The following POLR1D variants were observed in gnomAD, a reference collection of about 807,000 sequenced individuals.
The protein encoded by POLR1D is RNA polymerase I and III subunit D, also known as DNA-directed RNA polymerases I and III subunit RPAC2.
POLR1D carries 8 observed loss-of-function variants against 10.8 expected under a neutral mutation model. The ratio of observed to expected loss-of-function variants is 0.74; its 90% CI spans 0.43 to 1.33. The LOEUF is 1.33. POLR1D is among the 40% of genes most tolerant of loss of function. The probability of loss-of-function intolerance (pLI) is 0.01; values close to 1 mark genes in which losing one functional copy is unlikely to be tolerated. For missense variants in POLR1D, 152 were observed against 161.7 expected (o/e 0.94, Z 0.32); for synonymous variants, 54 against 57.2 (o/e 0.94, Z 0.25).
intron 2 of POLR1D, among the ~76,000 whole-genome samples, chr13:27,655,986 T>C (rs1956305413): frequency 7.0e-6 from 1 of 143,056 alleles, no homozygotes; most frequent in South Asian, 2.1e-4. Flanking sequence ...GTGATGCTGA[T>C]ACAGTTGACT....
upstream of POLR1D, chr13:27,621,748 C>T: frequency 5.8e-6 from 2 of 346,768 alleles, no homozygotes; most frequent in Non-Finnish European, 1.0e-5. Context: ...CCCAGGTGAG[C>T]CGCGGGGCCG....
chr13:27,660,206 A>G (rs1956350465), intron 2 of POLR1D, among the ~76,000 whole-genome samples: 1 of 152,186 alleles, frequency 6.6e-6, no homozygotes, highest in Admixed American at 6.5e-5. Flanking sequence ...CAACAAAATG[A>G]GTTGTAATCA....
chr13:27,665,790 A>G, exon 3 of POLR1D: 1 of 1,614,198 alleles, frequency 6.2e-7, no homozygotes, highest in Non-Finnish European at 8.5e-7. Flanking sequence ...AAAGAGGGCG[A>G]TAAGGAACCA....
At chr13:27,622,821 A>T in intron 1 of POLR1D, 54 bp from the exon 2 acceptor site, 1 of 1,125,536 alleles carries the variant, frequency 8.9e-7, no homozygotes, top group Non-Finnish European at 1.3e-6. Flanking sequence ...AGAAAAAGCT[A>T]GTTACAAAAC....
intron 1 of POLR1D, among the ~76,000 whole-genome samples, chr13:27,632,225 G>A (rs1017521771): frequency 2.0e-5 from 3 of 152,212 alleles, no homozygotes; most frequent in Admixed American, 1.3e-4. Flanking sequence ...AGAGCAGTAT[G>A]GGAGAGTGAT....
At chr13:27,648,247 T>TA (rs1042311262) in intron 1 of POLR1D, 180 of 622,432 alleles carry the variant, frequency 2.9e-4, no homozygotes, top group East Asian at 4.9e-4. Context: ...GTCAACCATT[T>TA]AAAAAAAAAT....
In POLR1D at chr13:27,621,968, A is replaced by G. The variant is rs746196920; in HGVS notation, c.-16A>G. The G allele has an allele frequency of 1.3e-6, 2 of 1,592,142 alleles. No homozygotes were observed. Among genetic ancestry groups the G allele is most frequent in the Non-Finnish European group, 1.7e-6 (2 of 1,169,462 alleles). ...ATCCGCCAGCACCACCTGAGGATCC[A>G]GAAACCGCCCCAGCGATGGAAGAGG... On this transcript the variant is annotated 5_prime_UTR_variant, in exon 1 of 2. Coordinates refer to ENST00000302979, the MANE Select transcript of POLR1D (RefSeq NM_015972.4).
chr13:27,654,462 C>T (rs1459372665), intron 2 of POLR1D, among the ~76,000 whole-genome samples: 2 of 152,184 alleles, frequency 1.3e-5, no homozygotes, highest in Non-Finnish European at 2.9e-5. Context: ...GGGAACCTGT[C>T]AAGTTCACAG....
intron 2 of POLR1D, chr13:27,650,979 T>C (rs1956264228): frequency 6.6e-6 from 1 of 152,160 alleles, no homozygotes; most frequent in African/African-American, 2.4e-5. Flanking sequence ...GAAAGAAAAC[T>C]TTACAGAAGA....
intron 2 of POLR1D, among the ~76,000 whole-genome samples, chr13:27,661,539 T>C (rs1223158351): frequency 6.6e-6 from 1 of 152,088 alleles, no homozygotes; most frequent in Non-Finnish European, 1.5e-5. Flanking sequence ...TGACAGACAG[T>C]GCAGACACAG....
intron 2 of POLR1D, among the ~76,000 whole-genome samples, chr13:27,659,504 TA>T (rs1956338530): frequency 6.6e-6 from 1 of 152,220 alleles, no homozygotes; most frequent in Admixed American, 6.5e-5. Context: ...CTGATGGGAC[TA>T]TAACTTTGCT....
intron 2 of POLR1D, among the ~76,000 whole-genome samples, chr13:27,659,028 A>T (rs1254163551): frequency 6.6e-6 from 1 of 152,148 alleles, no homozygotes; most frequent in African/African-American, 2.4e-5. Flanking sequence ...AAGGGGAATG[A>T]CTTTTTTTTA....
At chr13:27,652,907 A>ATTTT (rs1956278861) in intron 2 of POLR1D, among the ~76,000 whole-genome samples, 3 of 78,530 alleles carry the variant, frequency 3.8e-5, no homozygotes, top group African/African-American at 1.8e-4. Context: ...TGCATTTACC[A>ATTTT]TTTCTTTTTT....
chr13:27,640,589 C>T (rs190749757), intron 1 of POLR1D, among the ~76,000 whole-genome samples: 125 of 152,238 alleles, frequency 8.2e-4, no homozygotes, highest in Admixed American at 5.8e-3. Context: ...TGATTTAATA[C>T]CGTACTTGAA....
At chr13:27,622,242 C>T in intron 1 of POLR1D, 2 of 596,458 alleles carry the variant, frequency 3.4e-6, no homozygotes, top group Non-Finnish European at 6.0e-6. Context: ...CCGAACTGCC[C>T]ACCCCCGTTA....
At chr13:27,622,391 TC>T (rs562146436) in intron 1 of POLR1D, 8 of 333,092 alleles carry the variant, frequency 2.4e-5, no homozygotes, top group Non-Finnish European at 4.4e-5. Flanking sequence ...GAGCTCTTTT[TC>T]TCCCTGCTGC....
intron 1 of POLR1D, among the ~76,000 whole-genome samples, chr13:27,634,694 G>A (rs1443144092): frequency 1.6e-5 from 1 of 63,226 alleles, no homozygotes; most frequent in Non-Finnish European, 3.2e-5. Flanking sequence ...TTTTTTTTTT[G>A]GCACATGGTC....
chr13:27,626,493 A>T (rs1956011551), downstream of POLR1D, among the ~76,000 whole-genome samples: 1 of 152,226 alleles, frequency 6.6e-6, no homozygotes, highest in Non-Finnish European at 1.5e-5. Context: ...AGGCAGGTTA[A>T]CCAAGAGTCT....
intron 2 of POLR1D, among the ~76,000 whole-genome samples, chr13:27,659,053 G>A (rs1282382831): frequency 6.6e-6 from 1 of 152,090 alleles, no homozygotes; most frequent in Non-Finnish European, 1.5e-5. Context: ...TTTCTGTTTG[G>A]ATTGAGAGTC....
Sources: gnomAD v4.1 joint callset for allele counts (sites outside exome capture counted in the v4.1 genomes callset) on GRCh38, gnomAD v4.1.1 for gene constraint, MANE v1.5 for transcripts, NCBI Gene and HGNC (gene_info 2026-07-23, HGNC 2026-07-21) for gene names.